The following ROBO2 variants were observed in gnomAD, a reference collection of about 807,000 sequenced individuals.
ROBO2 encodes roundabout guidance receptor 2, also known as roundabout homolog 2.
Under a neutral mutation model 160.8 loss-of-function variants are expected in ROBO2, and 53 were observed. The observed-to-expected ratio is 0.33, with a 90% CI of 0.26 to 0.41. ROBO2 has a LOEUF of 0.41. Among genes scored for constraint, ROBO2 ranks in the 10% least tolerant of loss-of-function variants. The probability of loss-of-function intolerance (pLI) is 1.00; values close to 1 mark genes in which losing one functional copy is unlikely to be tolerated. For synonymous variants in ROBO2, 664 were observed against 611.7 expected, an observed-to-expected ratio of 1.09 and a Z score of -1.26; for missense variants, 1,577 against 1,722.4, an observed-to-expected ratio of 0.92 and a Z score of 1.49.
intron 2 of ROBO2, among the ~76,000 whole-genome samples, chr3:76,590,595 A>T (rs1385879029): frequency 6.6e-6 from 1 of 152,140 alleles, no homozygotes; most frequent in African/African-American, 2.4e-5. Context: ...AAGGATATAA[A>T]TTTTTGGTGT....
At chr3:76,938,258 G>A (rs893991195) in intron 2 of ROBO2, among the ~76,000 whole-genome samples, 3 of 152,148 alleles carry the variant, frequency 2.0e-5, no homozygotes, top group African/African-American at 7.2e-5. Context: ...GGGAGGCTGA[G>A]GCAGGGGATC....
chr3:76,917,159 C>A (rs2076370029), intron 2 of ROBO2, among the ~76,000 whole-genome samples: 1 of 152,124 alleles, frequency 6.6e-6, no homozygotes, highest in Admixed American at 6.5e-5. Context: ...GGCATCAGTG[C>A]AATAATGATT....
At chr3:77,550,680 T>C in intron 7 of ROBO2, 138 bp from the exon 9 acceptor site, 1 of 902,320 alleles carries the variant, frequency 1.1e-6, no homozygotes, top group South Asian at 1.5e-5. Flanking sequence ...GTGTGGCATT[T>C]AAACATTTCT....
chr3:76,377,617 A>G (rs1373450684), intron 2 of ROBO2, among the ~76,000 whole-genome samples: 1 of 152,070 alleles, frequency 6.6e-6, no homozygotes, highest in Non-Finnish European at 1.5e-5. Flanking sequence ...TCTCCTCTTT[A>G]CACTTCAGCG....
intron 2 of ROBO2, among the ~76,000 whole-genome samples, chr3:75,981,671 G>T (rs892288885): frequency 6.6e-6 from 1 of 150,588 alleles, no homozygotes; most frequent in Non-Finnish European, 1.5e-5. Flanking sequence ...TATTTATGGG[G>T]CACATGAGAT....
chr3:76,149,203 C>T (rs893716606), intron 2 of ROBO2, among the ~76,000 whole-genome samples: 3 of 152,186 alleles, frequency 2.0e-5, no homozygotes, highest in African/African-American at 4.8e-5. Context: ...CAAGCAATTT[C>T]CACTTTCACC....
At chr3:76,272,923 T>TA (rs1471196333) in intron 2 of ROBO2, among the ~76,000 whole-genome samples, 1 of 24,704 alleles carries the variant, frequency 4.0e-5, no homozygotes, top group Non-Finnish European at 1.1e-4. Flanking sequence ...ATAAAATATA[T>TA]ATATTTATAT....
At chr3:76,860,693 C>A (rs972909093) in intron 2 of ROBO2, among the ~76,000 whole-genome samples, 2 of 152,126 alleles carry the variant, frequency 1.3e-5, no homozygotes, top group African/African-American at 4.8e-5. Context: ...TTTCCTCCTA[C>A]ATTTTTTAAC....
intron 2 of ROBO2, among the ~76,000 whole-genome samples, chr3:76,617,494 G>T (rs2088686459): frequency 1.3e-5 from 2 of 152,072 alleles, no homozygotes; most frequent in South Asian, 4.1e-4. Flanking sequence ...TGTTACAATG[G>T]TATTAAGAGA....
intron 21 of ROBO2, among the ~76,000 whole-genome samples, chr3:77,615,409 G>A (rs553529921): frequency 1.6e-4 from 24 of 152,176 alleles, no homozygotes; most frequent in African/African-American, 5.3e-4. Flanking sequence ...CTATGGATTT[G>A]GACAAATGTA....
chr3:76,504,225 G>A (rs1257667429), intron 2 of ROBO2, among the ~76,000 whole-genome samples: 1 of 152,174 alleles, frequency 6.6e-6, no homozygotes, highest in African/African-American at 2.4e-5. Flanking sequence ...GGTTTTGTAC[G>A]ACGTTGGTCA....
chr3:77,498,870 A>G (rs1561003912), intron 5 of ROBO2, among the ~76,000 whole-genome samples: 1 of 152,206 alleles, frequency 6.6e-6, no homozygotes, highest in Non-Finnish European at 1.5e-5. Context: ...AGACTGGGCA[A>G]GTGAAATGGT....
rs954182730 is a variant in ROBO2 at position 76,291,538 on chromosome 3, G to A, written c.109+353936G>A. 4.0e-5 allele frequency among the ~76,000 whole-genome samples: 6 copies of A among 151,784 alleles called. No individual in the cohort carries two copies. The South Asian group carries it at 6.2e-4, about 16-fold the overall frequency. On this transcript the variant is annotated intron_variant, in intron 2 of 26. Coordinates refer to the ROBO2 transcript ENST00000487694. Reference sequence around the variant, plus strand: ...CTCTTCATTTCATTACATTCAGCTCGGGTTTGGGTTATTTTCTTCTGCTAG... The same window carrying A: ...CTCTTCATTTCATTACATTCAGCTCAGGTTTGGGTTATTTTCTTCTGCTAG...
At chr3:77,102,019 G>A (rs915170001) in intron 2 of ROBO2, among the ~76,000 whole-genome samples, 6 of 152,186 alleles carry the variant, frequency 3.9e-5, no homozygotes, top group Non-Finnish European at 7.3e-5. Context: ...CAGACTGGGC[G>A]ACAGAGTGAA....
chr3:76,577,212 A>G (rs1165883431), intron 2 of ROBO2, among the ~76,000 whole-genome samples: 1 of 152,122 alleles, frequency 6.6e-6, no homozygotes, highest in Non-Finnish European at 1.5e-5. Context: ...TTTTAAATGT[A>G]AAAACTACAT....
intron 1 of ROBO2, among the ~76,000 whole-genome samples, chr3:75,913,460 G>T (rs550323733): frequency 4.0e-4 from 61 of 152,232 alleles, no homozygotes; most frequent in African/African-American, 1.4e-3. Flanking sequence ...TAATGTGCTT[G>T]CTTACGCATG....
At position 77,234,659 on chromosome 3, in the gene ROBO2, C is replaced by A. The variant is rs568793458; in HGVS notation, c.388+136319C>A. 3.9e-5 allele frequency among the ~76,000 whole-genome samples: 6 copies of A among 152,200 alleles called. No individual in the cohort carries two copies. The East Asian group carries it at 9.7e-4, about 24-fold the overall frequency. On this transcript the variant is annotated intron_variant, in intron 2 of 25. Coordinates refer to ENST00000461745, the Ensembl canonical transcript of ROBO2. The stretch of plus-strand genomic sequence containing the variant: ...ATTTTTCAATTAAATGTTGCACTTT[C>A]TTTATCCTTTTGTAATTTTCATGTT...
In ROBO2 at chr3:77,290,224, C is replaced by A. The variant is rs555117974; in HGVS notation, c.389-187190C>A. Among the ~76,000 whole-genome samples, 6 of 129,734 alleles carry A rather than the reference C, an allele frequency of 4.6e-5. No homozygotes were observed. In the South Asian group the frequency reaches 7.6e-4, roughly 16 times the overall value. 85.1% of individuals were successfully genotyped at this position (129,734 alleles called of 152,430 possible). A position where few individuals can be genotyped will look rare whatever the true frequency, so the allele number is the denominator to read the frequency against. On this transcript the variant is annotated intron_variant, in intron 2 of 25. Transcript: ENST00000461745. ...ACGGGTAATCTGAGGCTAGATCACCCCAGACATAAAGTAAAATTGATGGTT... is the reference window on the plus strand; with the variant it reads ...ACGGGTAATCTGAGGCTAGATCACCACAGACATAAAGTAAAATTGATGGTT...
chr3:76,220,623 G>T (rs1703902542), intron 2 of ROBO2, among the ~76,000 whole-genome samples: 3 of 152,108 alleles, frequency 2.0e-5, no homozygotes, highest in Admixed American at 2.0e-4. Context: ...TTAGTCTTAG[G>T]TATTTTGGTA....
Sources: gnomAD v4.1 joint callset for allele counts (sites outside exome capture counted in the v4.1 genomes callset) on GRCh38, gnomAD v4.1.1 for gene constraint, MANE v1.5 for transcripts, NCBI Gene and HGNC (gene_info 2026-07-23, HGNC 2026-07-21) for gene names.